Variants in KIF26B observed in about 807,000 individuals in gnomAD.
KIF26B encodes kinesin-like protein KIF26B.
Under a neutral mutation model 151.2 loss-of-function variants are expected in KIF26B, and 63 were observed. That is an observed-to-expected ratio of 0.42 (90% CI 0.34 to 0.51). The LOEUF (loss-of-function observed/expected upper bound fraction) is 0.51. KIF26B is among the 20% of genes least tolerant of loss of function. The probability of loss-of-function intolerance (pLI) is 0.07; values close to 1 mark genes in which losing one functional copy is unlikely to be tolerated. For synonymous variants in KIF26B, 1,357 were observed against 1,262.1 expected (o/e 1.08, Z -1.59); for missense variants, 2,813 against 2,913.6 (o/e 0.97, Z 0.79).
At chr1:245,624,404 T>C (rs2043700537) in intron 9 of KIF26B, among the ~76,000 whole-genome samples, 2 of 152,182 alleles carry the variant, frequency 1.3e-5, no homozygotes, top group East Asian at 3.9e-4. Context: ...TTCCCGTTCC[T>C]CCATACCCCC....
chr1:245,156,485 C>A lies in KIF26B; in HGVS notation c.267C>A (p.Ser89=), dbSNP rs1480961476. 1.3e-6 allele frequency: 2 copies of A among 1,526,512 alleles called. No homozygotes were observed. The highest frequency in any genetic ancestry group is 1.8e-6 in the Non-Finnish European group (2 of 1,140,278). 94.6% of individuals were successfully genotyped at this position (1,526,512 alleles called of 1,614,324 possible). A position where few individuals can be genotyped will look rare whatever the true frequency, so the allele number is the denominator to read the frequency against. The change falls in exon 2 of 15, where the codon TCC becomes TCA. Residue 89 remains serine, a synonymous_variant. Transcript: ENST00000407071. ...SSFTGSPGPA[S]PGIGTSSPGS... ...TCACCGGCTCCCCGGGACCCGCCTC[C>A]CCCGGCATCGGCACTAGTTCGCCGG...
intron 2 of KIF26B, among the ~76,000 whole-genome samples, chr1:245,176,095 G>A (rs1431722613): frequency 6.6e-6 from 1 of 152,004 alleles, no homozygotes; most frequent in Non-Finnish European, 1.5e-5. Flanking sequence ...TGCCTCCCGG[G>A]TTCAAGCGAT....
intron 10 of KIF26B, among the ~76,000 whole-genome samples, chr1:245,677,264 G>A (rs753828244): frequency 2.4e-4 from 37 of 152,260 alleles, no homozygotes; most frequent in South Asian, 1.9e-3. Context: ...ACTAATCATC[G>A]TGTACACTGC....
intron 5 of KIF26B, among the ~76,000 whole-genome samples, chr1:245,554,911 G>A: frequency 6.6e-6 from 1 of 152,180 alleles, no homozygotes; most frequent in East Asian, 1.9e-4. Context: ...TGCTTCTGGA[G>A]AGAATTCCCC....
chr1:245,202,257 C>T (rs557921141), intron 2 of KIF26B, among the ~76,000 whole-genome samples: 1 of 140,852 alleles, frequency 7.1e-6, no homozygotes, highest in East Asian at 3.1e-4. Context: ...CACTGCAGAG[C>T]ACTCCTTGTG....
intron 4 of KIF26B, among the ~76,000 whole-genome samples, chr1:245,433,477 A>AAAAAAG (rs1553274011): frequency 2.0e-5 from 3 of 147,738 alleles, no homozygotes; most frequent in African/African-American, 7.6e-5. Context: ...AAAAAAAAAA[A>AAAAAAG]AAGAAGAAGA....
chr1:245,296,855 C>T (rs1459848990), intron 2 of KIF26B, among the ~76,000 whole-genome samples: 1 of 152,128 alleles, frequency 6.6e-6, no homozygotes, highest in Non-Finnish European at 1.5e-5. Flanking sequence ...GTAGTTTTTC[C>T]ACACAGAACT....
rs115733385 is a variant in KIF26B, at chr1:245,620,328, T to G, written c.2098+8352T>G. ...AAAACACTTTACAACCAACTGGGTATAGACTTTTTCTAGATTCTTACAGTA... is the reference window on the plus strand; with the variant it reads ...AAAACACTTTACAACCAACTGGGTAGAGACTTTTTCTAGATTCTTACAGTA... On this transcript the variant is annotated intron_variant, in intron 9 of 14. Coordinates refer to ENST00000407071, the MANE Select transcript of KIF26B (RefSeq NM_018012.4). Among the ~76,000 whole-genome samples, 572 of 152,284 alleles carry G rather than the reference T, an allele frequency of 3.8e-3. 4 individuals carry two copies. The highest frequency in any genetic ancestry group is 0.013 in the African/African-American group (530 of 41,560).
chr1:245,688,783 A>G lies in KIF26B; in HGVS notation c.5800A>G (p.Thr1934Ala), dbSNP rs1238034272. Reference protein sequence around the residue: ...SVGGRCRSLKTPKKRSNPGSQ... With the variant: ...SVGGRCRSLKAPKKRSNPGSQ... Reference sequence around the variant, plus strand: ...GGGCGGCAGGTGCCGGAGCCTCAAGACCCCGAAGAAACGCTCCAATCCAGG... The same window carrying G: ...GGGCGGCAGGTGCCGGAGCCTCAAGGCCCCGAAGAAACGCTCCAATCCAGG... Residue 1934 changes from threonine to alanine, a missense_variant, in exon 12 of 15, where the codon ACC becomes GCC. By Grantham distance (58) the Thr-to-Ala change is moderately conservative (BLOSUM62 0). Around this residue, in one of 3 missense-constraint regions of KIF26B, gnomAD observed 2,060 missense variants for 2,088.6 expected, o/e 0.99. Coordinates refer to ENST00000407071, the MANE Select transcript of KIF26B (RefSeq NM_018012.4). 4 of 1,589,876 alleles carry G rather than the reference A, an allele frequency of 2.5e-6. No homozygotes were observed. The highest frequency in any genetic ancestry group is 3.4e-6 in the Non-Finnish European group (4 of 1,165,408).
chr1:245,262,257 A>G (rs973192055), intron 2 of KIF26B, among the ~76,000 whole-genome samples: 1 of 152,122 alleles, frequency 6.6e-6, no homozygotes, highest in Non-Finnish European at 1.5e-5. Context: ...GGGGCTTCTC[A>G]TTTTGATTAC....
intron 10 of KIF26B, among the ~76,000 whole-genome samples, chr1:245,657,829 T>C (rs191818945): frequency 6.6e-6 from 1 of 152,336 alleles, no homozygotes; most frequent in East Asian, 1.9e-4. Flanking sequence ...GTCTTTGACA[T>C]GTTTTGATTG....
rs543242032 is a variant in KIF26B, at chr1:245,416,204, C to T, written c.1000-3375C>T. ...CTGAGGTAGGAGAATCTCTTGAACCCGGAAGGCGGAGGTTGCAGTGAGCTG... is the reference window on the plus strand; with the variant it reads ...CTGAGGTAGGAGAATCTCTTGAACCTGGAAGGCGGAGGTTGCAGTGAGCTG... On this transcript the variant is annotated intron_variant, in intron 3 of 14. Coordinates refer to ENST00000407071, the MANE Select transcript of KIF26B (RefSeq NM_018012.4). Among the ~76,000 whole-genome samples, 18 of 145,986 alleles carry T rather than the reference C, an allele frequency of 1.2e-4. No homozygotes were observed. The South Asian group carries it at 2.6e-3, about 21-fold the overall frequency.
intron 3 of KIF26B, among the ~76,000 whole-genome samples, chr1:245,417,161 A>G (rs992062863): frequency 3.3e-5 from 5 of 152,118 alleles, no homozygotes; most frequent in Non-Finnish European, 7.4e-5. Context: ...TTAATTTTAC[A>G]TAATATTTGT....
At chr1:245,414,733 A>T (rs866766341) in intron 3 of KIF26B, among the ~76,000 whole-genome samples, 1 of 152,202 alleles carries the variant, frequency 6.6e-6, no homozygotes. Flanking sequence ...TTCTACACAC[A>T]CACAGACACA....
intron 3 of KIF26B, among the ~76,000 whole-genome samples, chr1:245,391,912 C>T (rs986925934): frequency 6.6e-6 from 1 of 151,948 alleles, no homozygotes. Flanking sequence ...CAGACTGGAG[C>T]AGATCAGGAG....
At chr1:245,466,289 C>G (rs1163820099) in intron 4 of KIF26B, among the ~76,000 whole-genome samples, 1 of 152,186 alleles carries the variant, frequency 6.6e-6, no homozygotes, top group African/African-American at 2.4e-5. Context: ...ATGGCCTGCA[C>G]GCCGGCTCCC....
chr1:245,599,918 A>G (rs1490141991), intron 5 of KIF26B, among the ~76,000 whole-genome samples: 1 of 151,986 alleles, frequency 6.6e-6, no homozygotes, highest in African/African-American at 2.4e-5. Flanking sequence ...TGTTTTACTA[A>G]TAGGAGCCTT....
intron 2 of KIF26B, among the ~76,000 whole-genome samples, chr1:245,286,992 C>T (rs1269787509): frequency 6.6e-6 from 1 of 152,002 alleles, no homozygotes; most frequent in Non-Finnish European, 1.5e-5. Context: ...GCCTGTAATC[C>T]CAGCTGCTCG....
chr1:245,588,131 G>A (rs1195229999), intron 5 of KIF26B, among the ~76,000 whole-genome samples: 1 of 152,102 alleles, frequency 6.6e-6, no homozygotes, highest in African/African-American at 2.4e-5. Flanking sequence ...GTTGGAATAC[G>A]GCATATACTT....
Sources: allele counts gnomAD v4.1 joint callset (sites outside exome capture counted in the v4.1 genomes callset), GRCh38; gene constraint gnomAD v4.1.1; regional missense constraint gnomAD v4.1.1; transcripts MANE v1.5; gene names NCBI Gene and HGNC (gene_info 2026-07-23, HGNC 2026-07-21).